The following ABHD6 variants were observed in gnomAD, a reference collection of about 807,000 sequenced individuals.
ABHD6 encodes abhydrolase domain containing 6, acylglycerol lipase, also known as monoacylglycerol lipase ABHD6.
A neutral mutation model predicts 38.8 loss-of-function variants in ABHD6; 33 were observed. The ratio of observed to expected loss-of-function variants is 0.85; its 90% confidence interval spans 0.64 to 1.14. The LOEUF is 1.14. Ranked by LOEUF, ABHD6 falls within the 50% of genes most tolerant of loss-of-function variation. The pLI is 0.00. For synonymous variants in ABHD6, 147 were observed against 161.6 expected (o/e 0.91, Z 0.69); for missense variants, 380 against 422.6 (o/e 0.90, Z 0.88).
intron 1 of ABHD6, among the ~76,000 whole-genome samples, chr3:58,243,132 T>G (rs532233411): frequency 6.6e-6 from 1 of 152,326 alleles, no homozygotes; most frequent in South Asian, 2.1e-4. Flanking sequence ...TGATGGACGT[T>G]TGGGTTGGTT....
Position 58,285,216 on chromosome 3 carries a change from T to A in ABHD6, c.736+77T>A. Reference sequence around the variant, plus strand: ...ATGGATGGCTTTTATTTCTTAAATCTCTGACACTTTGAATGTCTCTTTGGG... The same window carrying A: ...ATGGATGGCTTTTATTTCTTAAATCACTGACACTTTGAATGTCTCTTTGGG... On this transcript the variant is annotated intron_variant, in intron 8 of 9. Transcript: ENST00000478253. This position sits in a 1 kb window ranked among gnomAD's most constrained non-coding sequence, Gnocchi z 4.9. 6.4e-7 allele frequency: 1 copy of A among 1,556,604 alleles called. No homozygotes were observed. The highest frequency in any genetic ancestry group is 8.9e-7 in the Non-Finnish European group (1 of 1,127,774).
In ABHD6 at chr3:58,285,114, C is replaced by T. The variant is rs767594827; in HGVS notation, c.711C>T (p.Ile237=). 1.2e-6 allele frequency: 2 copies of T among 1,614,168 alleles called. No individual in the cohort carries two copies. The highest frequency in any genetic ancestry group is 1.7e-5 in the Admixed American group (1 of 60,018). The change falls in exon 8 of 10, where the codon ATC becomes ATT. Residue 237 remains isoleucine (I), a synonymous_variant. Coordinates refer to ENST00000478253, the MANE Select transcript of ABHD6 (RefSeq NM_001320126.2). The surrounding 1 kb of genome is among the most constrained non-coding windows in gnomAD (Gnocchi z 4.9). The stretch of plus-strand genomic sequence containing the variant: ...TGCAAGGCCTTGTCGATGTCCGCAT[C>T]CCTCATAACAACTTCTACCGAAAGT... ...QILQGLVDVR[I]PHNNFYRKLF...
Position 58,267,117 on chromosome 3 carries a change from C to T in ABHD6, c.120-72C>T. 1.3e-6 allele frequency: 2 copies of T among 1,510,462 alleles called. No homozygotes were observed. The highest frequency in any genetic ancestry group is 1.8e-6 in the Non-Finnish European group (2 of 1,101,818). 93.6% of individuals were successfully genotyped at this position (1,510,462 alleles called of 1,614,324 possible). A position where few individuals can be genotyped will look rare whatever the true frequency, so the allele number is the denominator to read the frequency against. ...ACTAAGGAAGACTTATAGAGAGGAC[C>T]TGTGCCCATCTTGAAGCCACTCATC... On this transcript the variant is annotated intron_variant, in intron 3 of 9. Coordinates refer to ENST00000478253, the MANE Select transcript of ABHD6 (RefSeq NM_001320126.2). The surrounding 1 kb of genome is among the most constrained non-coding windows in gnomAD (Gnocchi z 4.3).
chr3:58,255,352 A>T (rs2097432537), intron 2 of ABHD6, among the ~76,000 whole-genome samples: 1 of 152,178 alleles, frequency 6.6e-6, no homozygotes, highest in Non-Finnish European at 1.5e-5. Flanking sequence ...TTTCCTGTCT[A>T]TTCCTGACAC....
In ABHD6 at chr3:58,277,548, C is replaced by T. The variant is rs115695875; in HGVS notation, c.681+2733C>T. On this transcript the variant is annotated intron_variant, in intron 7 of 9. Coordinates refer to ENST00000478253, the MANE Select transcript of ABHD6 (RefSeq NM_001320126.2). ...GGATTTTCTAAATATACAATCATGT[C>T]ATCTGTAAATGGACAATTTGACTTC... is the stretch of plus-strand genomic sequence containing the variant. Among the ~76,000 whole-genome samples, 1,431 of 152,304 alleles carry T rather than the reference C, an allele frequency of 9.4e-3. 24 individuals carry two copies. The highest frequency in any genetic ancestry group is 0.033 in the African/African-American group (1,365 of 41,554).
rs751635211 is a variant in ABHD6, at chr3:58,257,948, C to T, written c.119+1243C>T. On this transcript the variant is annotated intron_variant, in intron 3 of 9. Coordinates refer to ENST00000478253, the MANE Select transcript of ABHD6 (RefSeq NM_001320126.2). This position sits in a 1 kb window ranked among gnomAD's most constrained non-coding sequence, Gnocchi z 4.8. ...CATCTTTTTAAAAAAATCCTTAAATCAAGTATTTAAAAAGTGATATGAATA... is the reference window on the plus strand; with the variant it reads ...CATCTTTTTAAAAAAATCCTTAAATTAAGTATTTAAAAAGTGATATGAATA... Among the ~76,000 whole-genome samples the T allele has an allele frequency of 9.9e-5, 15 of 151,982 alleles. No individual in the cohort carries two copies. The highest frequency in any genetic ancestry group is 2.1e-4 in the Non-Finnish European group (14 of 67,994).
intron 7 of ABHD6, among the ~76,000 whole-genome samples, chr3:58,279,416 G>A (rs1575528462): frequency 7.9e-6 from 1 of 127,330 alleles, no homozygotes; most frequent in East Asian, 2.0e-4. Context: ...GACTAGGATT[G>A]CAACCCTGCT....
Position 58,274,702 on chromosome 3 carries a change from G to A in ABHD6, c.568G>A (p.Glu190Lys). 1 of 1,614,248 alleles carries A rather than the reference G, an allele frequency of 6.2e-7. No homozygotes were observed. Among genetic ancestry groups the A allele is most frequent in the Non-Finnish European group, 8.5e-7 (1 of 1,180,050 alleles). The part of the protein sequence containing the change: ...TDNQFVQRLK[E>K]LQGSAAVEKI... ...CAATCAATTTGTACAACGGCTCAAA[G>A]AACTGCAGGGCTCTGCCGCCGTGGA... is the stretch of plus-strand genomic sequence containing the variant. The change falls in exon 7 of 10, where the codon GAA (glutamate) becomes AAA (lysine). Residue 190 changes from glutamate (E) to lysine (K), a missense_variant. Transcript: ENST00000478253.
At chr3:58,247,454 A>C (rs929344242) in intron 1 of ABHD6, among the ~76,000 whole-genome samples, 1 of 152,182 alleles carries the variant, frequency 6.6e-6, no homozygotes, top group Admixed American at 6.5e-5. Context: ...TCGAATTTTA[A>C]ATTTTATTTA....
In ABHD6 at chr3:58,257,555, CT is replaced by C. The variant is rs1450635553; in HGVS notation, c.119+854del. ...TTTTTATATTTTTAGTAGAGACAGG[CT>C]TTTGCCGTATTGGCCAAGCTGGTCT... is the stretch of plus-strand genomic sequence containing the variant. On this transcript the variant is annotated intron_variant, in intron 3 of 9. Coordinates refer to ENST00000478253, the MANE Select transcript of ABHD6 (RefSeq NM_001320126.2). The surrounding 1 kb of genome is among the most constrained non-coding windows in gnomAD (Gnocchi z 4.8). Among the ~76,000 whole-genome samples the C allele has an allele frequency of 1.3e-5, 2 of 151,824 alleles. No homozygotes were observed. The highest frequency in any genetic ancestry group is 6.6e-5 in the Admixed American group (1 of 15,256).
intron 1 of ABHD6, among the ~76,000 whole-genome samples, chr3:58,244,137 A>G (rs56062918): frequency 0.032 from 4,934 of 152,330 alleles, 113 homozygotes; most frequent in Non-Finnish European, 0.046. Flanking sequence ...CAAATATGAC[A>G]TAAACAATGG....
In ABHD6 at chr3:58,287,191, GGAGGATCACTT is replaced by G. The variant is rs781164152; in HGVS notation, c.837+1742_837+1752del. On this transcript the variant is annotated intron_variant, in intron 9 of 9. Coordinates refer to ENST00000478253, the MANE Select transcript of ABHD6 (RefSeq NM_001320126.2). This position sits in a 1 kb window ranked among gnomAD's most constrained non-coding sequence, Gnocchi z 4.7. The stretch of plus-strand genomic sequence containing the variant: ...CCCAGCTACTCTGGAGGGTGAGGCA[GGAGGATCACTT>G]GAGTCCAGGACATGGAGGTGGCAGT... Among the ~76,000 whole-genome samples the G allele has an allele frequency of 3.9e-4, 59 of 152,204 alleles. No homozygotes were observed. Among genetic ancestry groups the G allele is most frequent in the Admixed American group, 8.5e-4 (13 of 15,298 alleles).
In ABHD6 at chr3:58,291,542, A is replaced by T. The variant is rs558429737; in HGVS notation, c.838-2047A>T. ...CCAGAGTGCTGATATTATAGGTGTG[A>T]GCCACCACACCCAGCCCAGGAAAAG... On this transcript the variant is annotated intron_variant, in intron 9 of 9. Coordinates refer to ENST00000478253, the MANE Select transcript of ABHD6 (RefSeq NM_001320126.2). Among the ~76,000 whole-genome samples, 6 of 152,266 alleles carry T rather than the reference A, an allele frequency of 3.9e-5. No homozygotes were observed. In the South Asian group the frequency reaches 1.0e-3, roughly 26 times the overall value.
chr3:58,256,392 C>G lies in ABHD6; in HGVS notation c.-25-170C>G, dbSNP rs1371719853. Among the ~76,000 whole-genome samples the G allele has an allele frequency of 6.6e-6, 1 of 151,842 alleles. No homozygotes were observed. Among genetic ancestry groups the G allele is most frequent in the Non-Finnish European group, 1.5e-5 (1 of 67,992 alleles). ...GGCTCCTCTGAAAAGTTCCTCATTACTTTTAGTTGTCATGTCTATTTGGTT... is the reference window on the plus strand; with the variant it reads ...GGCTCCTCTGAAAAGTTCCTCATTAGTTTTAGTTGTCATGTCTATTTGGTT... On this transcript the variant is annotated intron_variant, in intron 2 of 9. Transcript: ENST00000478253. The surrounding 1 kb of genome is among the most constrained non-coding windows in gnomAD (Gnocchi z 4.3).
intron 7 of ABHD6, among the ~76,000 whole-genome samples, chr3:58,284,218 C>T (rs1178203023): frequency 6.6e-6 from 1 of 152,146 alleles, no homozygotes; most frequent in Non-Finnish European, 1.5e-5. Context: ...TCCACATTGG[C>T]TGCAGCCCTC....
chr3:58,289,673 C>G lies in ABHD6; in HGVS notation c.838-3916C>G, dbSNP rs555261651. ...CACGGCAACCATCCGATTTCTCAAT[C>G]TTTTCCCCACCTTTCCCCCCTTTCT... On this transcript the variant is annotated intron_variant, in intron 9 of 9. Transcript: ENST00000478253. 1.4e-4 allele frequency among the ~76,000 whole-genome samples: 21 copies of G among 152,350 alleles called. No individual in the cohort carries two copies. In the East Asian group the frequency reaches 3.9e-3, roughly 28 times the overall value.
chr3:58,259,448 G>A lies in ABHD6; in HGVS notation c.119+2743G>A, dbSNP rs1429316294. Reference sequence around the variant, plus strand: ...TAATCCCAGCACTTTGGGAGGCTAAGGCAGGAGGATCACTTGAGGCCAGGA... The same window carrying A: ...TAATCCCAGCACTTTGGGAGGCTAAAGCAGGAGGATCACTTGAGGCCAGGA... On this transcript the variant is annotated intron_variant, in intron 3 of 9. Coordinates refer to ENST00000478253, the MANE Select transcript of ABHD6 (RefSeq NM_001320126.2). This position sits in a 1 kb window ranked among gnomAD's most constrained non-coding sequence, Gnocchi z 4.7. 6.6e-6 allele frequency among the ~76,000 whole-genome samples: 1 copy of A among 152,222 alleles called. No homozygotes were observed. The highest frequency in any genetic ancestry group is 2.4e-5 in the African/African-American group (1 of 41,454).
At position 58,263,021 on chromosome 3, in the gene ABHD6, A is replaced by G. The variant is rs2097438115; in HGVS notation, c.120-4168A>G. Among the ~76,000 whole-genome samples the G allele has an allele frequency of 6.6e-6, 1 of 152,242 alleles. No homozygotes were observed. Among genetic ancestry groups the G allele is most frequent in the Non-Finnish European group, 1.5e-5 (1 of 68,028 alleles). On this transcript the variant is annotated intron_variant, in intron 3 of 9. Coordinates refer to ENST00000478253, the MANE Select transcript of ABHD6 (RefSeq NM_001320126.2). The surrounding 1 kb of genome is among the most constrained non-coding windows in gnomAD (Gnocchi z 4.9). Reference sequence around the variant, plus strand: ...TCAGGAGTTTGAGACCAGCCTGGCCAACATGGTGAAACCCCATCTCTACTA... The same window carrying G: ...TCAGGAGTTTGAGACCAGCCTGGCCGACATGGTGAAACCCCATCTCTACTA...
intron 9 of ABHD6, among the ~76,000 whole-genome samples, chr3:58,290,546 TC>T: frequency 9.5e-6 from 1 of 104,808 alleles, no homozygotes; most frequent in Non-Finnish European, 1.9e-5. Context: ...CCCGGACGGG[TC>T]GGCTGCCAGG....
Sources: gnomAD v4.1 joint callset for allele counts (sites outside exome capture counted in the v4.1 genomes callset) on GRCh38, gnomAD v4.1.1 for gene constraint, Gnocchi (gnomAD v3.1) non-coding constraint, MANE v1.5 for transcripts, NCBI Gene and HGNC (gene_info 2026-07-23, HGNC 2026-07-21) for gene names.